The following DYNC2I1 variants were observed in gnomAD, a reference collection of about 807,000 sequenced individuals.
The protein encoded by DYNC2I1 is cytoplasmic dynein 2 intermediate chain 1.
A neutral mutation model predicts 133.4 loss-of-function variants in DYNC2I1; 89 were observed. The ratio of observed to expected loss-of-function variants is 0.67; its 90% confidence interval spans 0.56 to 0.80. The LOEUF (loss-of-function observed/expected upper bound fraction) is 0.80, where lower values mean the gene tolerates loss of function less well. DYNC2I1 is among the 30% of genes least tolerant of loss of function. The pLI, the probability that DYNC2I1 is intolerant of heterozygous loss-of-function variation, is 0.00. For synonymous variants in DYNC2I1, 504 were observed against 484.3 expected, an observed-to-expected ratio of 1.04 and a Z score of -0.54; for missense variants, 1,291 against 1,314.5, an observed-to-expected ratio of 0.98 and a Z score of 0.28.
At chr7:158,923,787 TGAG>T in intron 17 of DYNC2I1, 54 bp downstream of exon 17, 1 of 1,574,260 alleles carries the variant, frequency 6.4e-7, no homozygotes, top group Non-Finnish European at 8.6e-7. Context: ...CACACGGATT[TGAG>T]GAACAAAGCT....
chr7:158,891,408 G>T, intron 8 of DYNC2I1, 75 bp downstream of exon 8: 1 of 1,554,672 alleles, frequency 6.4e-7, no homozygotes, highest in Non-Finnish European at 8.9e-7. Context: ...TTGCTTTCCT[G>T]TCAGCATTTT....
At chr7:158,905,721 G>A (rs1048491017) in intron 10 of DYNC2I1, among the ~76,000 whole-genome samples, 2 of 152,062 alleles carry the variant, frequency 1.3e-5, no homozygotes, top group South Asian at 2.1e-4. Context: ...TGCATCTTTT[G>A]TGCATTCTTA....
chr7:158,867,443 C>T (rs1439730118), intron 1 of DYNC2I1, among the ~76,000 whole-genome samples: 1 of 152,222 alleles, frequency 6.6e-6, no homozygotes, highest in Non-Finnish European at 1.5e-5. Flanking sequence ...TGTGGCTGCA[C>T]TGGCAAAGCT....
intron 20 of DYNC2I1, among the ~76,000 whole-genome samples, 188 bp downstream of exon 20, chr7:158,927,231 G>A (rs573083824): frequency 5.3e-5 from 8 of 151,762 alleles, no homozygotes; most frequent in East Asian, 2.0e-4. Context: ...GCAAGACCCC[G>A]TCTCTACAAA....
At chr7:158,905,141 T>G (rs751560982) in intron 10 of DYNC2I1, 1 of 130,764 alleles carries the variant, frequency 7.6e-6, no homozygotes, top group Non-Finnish European at 1.5e-5. Flanking sequence ...TTTCTTTTTC[T>G]TTTTTTTTTT....
Position 158,856,707 on chromosome 7 carries a change from A to G in DYNC2I1, c.-29A>G. On this transcript the variant is annotated 5_prime_UTR_variant, in exon 1 of 25. Coordinates refer to ENST00000407559, the MANE Select transcript of DYNC2I1 (RefSeq NM_018051.5). ...ACCGCGCCTGGCCGGGGCCGAGGAC[A>G]CCGCGGCCGCCCGGGCCTGCGGGAA... 1 of 1,232,942 alleles carries G rather than the reference A, an allele frequency of 8.1e-7. No homozygotes were observed. Among genetic ancestry groups the G allele is most frequent in the Non-Finnish European group, 1.0e-6 (1 of 986,974 alleles). 76.4% of individuals were successfully genotyped at this position (1,232,942 alleles called of 1,614,324 possible).
intron 5 of DYNC2I1, among the ~76,000 whole-genome samples, 164 bp downstream of exon 5, chr7:158,880,153 A>G (rs1306534473): frequency 6.6e-6 from 1 of 152,254 alleles, no homozygotes; most frequent in Non-Finnish European, 1.5e-5. Context: ...TAGTATAGAC[A>G]GATTACTGAT....
At chr7:158,839,768 C>T in the DYNC2I1 span, among the ~76,000 whole-genome samples, 1 of 151,196 alleles carries the variant, frequency 6.6e-6, no homozygotes, top group African/African-American at 2.4e-5. Context: ...TGCAGTGAGC[C>T]AAGATAGTGA....
At chr7:158,911,380 A>G (rs1233813373) in intron 11 of DYNC2I1, among the ~76,000 whole-genome samples, 170 bp from the exon 12 acceptor site, 1 of 152,174 alleles carries the variant, frequency 6.6e-6, no homozygotes, top group Non-Finnish European at 1.5e-5. Flanking sequence ...ACGACTGTCT[A>G]CTACTCAGTT....
At position 158,926,471 on chromosome 7, in the gene DYNC2I1, GTGGCCCAGGCC is replaced by G. The variant is rs1191606591; in HGVS notation, c.2433+9_2433+19del. On this transcript the variant is annotated intron_variant, in intron 19 of 24. Coordinates refer to ENST00000407559, the MANE Select transcript of DYNC2I1 (RefSeq NM_018051.5). Reference sequence around the variant, plus strand: ...GGGGTTCTCAATGTATGGGTGAGTAGTGGCCCAGGCCGGGCACATGCGGGGCCTGAGTGAGG... The same window carrying G: ...GGGGTTCTCAATGTATGGGTGAGTAGGGGCACATGCGGGGCCTGAGTGAGG... 9 of 1,612,110 alleles carry G rather than the reference GTGGCCCAGGCC, an allele frequency of 5.6e-6. No individual in the cohort carries two copies. Among genetic ancestry groups the G allele is most frequent in the Non-Finnish European group, 7.6e-6 (9 of 1,179,192 alleles).
chr7:158,858,381 G>A (rs1042537174), intron 1 of DYNC2I1, among the ~76,000 whole-genome samples: 1 of 152,136 alleles, frequency 6.6e-6, no homozygotes, highest in Non-Finnish European at 1.5e-5. Flanking sequence ...TGTATTCTAA[G>A]CTCACTCTAC....
rs772352959 is a variant in DYNC2I1, at chr7:158,879,873, A to G, written c.763A>G (p.Arg255Gly). The G allele has an allele frequency of 6.2e-7, 1 of 1,613,880 alleles. No homozygotes were observed. Among genetic ancestry groups the G allele is most frequent in the South Asian group, 1.1e-5 (1 of 91,068 alleles). ...TTCATTCTCTGACAAAGGGGAAGAA[A>G]GACATAAAGAAAAGCGACACAAAGA... ...SNSFSDKGEE[R>G]HKEKRHKEGF... The change falls in exon 5 of 25, where the codon AGA becomes GGA. Residue 255 changes from arginine to glycine, a missense_variant. By Grantham distance (125) the Arg-to-Gly change is moderately radical (BLOSUM62 -2). Transcript: ENST00000407559.
In DYNC2I1 at chr7:158,887,013, C is replaced by T; in HGVS notation, c.936-8C>T. On this transcript the variant is annotated splice_polypyrimidine_tract_variant and splice_region_variant and intron_variant, in intron 6 of 24. Transcript: ENST00000407559. ...TAAGTTTTGATTTTGATTATGTTTG[C>T]TTTCCAGGCATGCTGAGAATTTAGT... 1 of 1,613,482 alleles carries T rather than the reference C, an allele frequency of 6.2e-7. No individual in the cohort carries two copies. Among genetic ancestry groups the T allele is most frequent in the African/African-American group, 1.3e-5 (1 of 75,022 alleles).
Position 158,942,025 on chromosome 7 carries a change from T to C in DYNC2I1, c.2879T>C (p.Leu960Pro), listed in dbSNP as rs768408560. ...SSTDSHAVTGLQWSPTRPAVF... is the reference protein window; with the variant it reads ...SSTDSHAVTGPQWSPTRPAVF... ...ACGGACAGCCATGCGGTCACCGGCC[T>C]GCAGTGGTCCCCAACCAGGCCTGCC... Residue 960 changes from leucine (L) to proline (P), a missense_variant, in exon 24 of 25, where the codon CTG (leucine) becomes CCG (proline). Transcript: ENST00000407559. The C allele has an allele frequency of 5.0e-6, 8 of 1,613,534 alleles. No homozygotes were observed. Among genetic ancestry groups the C allele is most frequent in the Non-Finnish European group, 6.8e-6 (8 of 1,179,810 alleles).
chr7:158,950,839 G>T (rs1226627835), downstream of DYNC2I1, among the ~76,000 whole-genome samples: 5 of 150,396 alleles, frequency 3.3e-5, no homozygotes, highest in African/African-American at 9.8e-5. Flanking sequence ...ATGATTCCAG[G>T]TGTTCTATAT....
intron 11 of DYNC2I1, among the ~76,000 whole-genome samples, chr7:158,909,772 A>G (rs1297760417): frequency 1.3e-5 from 2 of 152,216 alleles, no homozygotes; most frequent in African/African-American, 4.8e-5. Context: ...CAGTAGAGTG[A>G]AACAGAAAGA....
In DYNC2I1 at chr7:158,941,921, A is replaced by T. The variant is rs1454747623; in HGVS notation, c.2779-4A>T. ...TCAGCAGTGTTCTTTCTTCCTGGTCATAGGCCGGCTGTTCGGACGGAAGCA... is the reference window on the plus strand; with the variant it reads ...TCAGCAGTGTTCTTTCTTCCTGGTCTTAGGCCGGCTGTTCGGACGGAAGCA... On this transcript the variant is annotated splice_polypyrimidine_tract_variant and splice_region_variant and intron_variant, in intron 23 of 24. Transcript: ENST00000407559. 12 of 1,594,552 alleles carry T rather than the reference A, an allele frequency of 7.5e-6. No individual in the cohort carries two copies. Among genetic ancestry groups the T allele is most frequent in the Non-Finnish European group, 1.0e-5 (12 of 1,170,606 alleles).
chr7:158,939,359 T>C (rs1009839095), intron 23 of DYNC2I1, among the ~76,000 whole-genome samples: 12 of 152,084 alleles, frequency 7.9e-5, no homozygotes, highest in East Asian at 1.9e-4. Flanking sequence ...TGAGGGAAGG[T>C]TGATTGAGCC....
At chr7:158,911,730 A>T in intron 12 of DYNC2I1, 51 bp downstream of exon 12, 3 of 1,557,068 alleles carry the variant, frequency 1.9e-6, no homozygotes, top group Non-Finnish European at 2.6e-6. Flanking sequence ...AAAGTCTAGT[A>T]GGATAACTTT....
Sources: gnomAD v4.1 joint callset for allele counts (sites outside exome capture counted in the v4.1 genomes callset) on GRCh38, gnomAD v4.1.1 for gene constraint, MANE v1.5 for transcripts, NCBI Gene and HGNC (gene_info 2026-07-23, HGNC 2026-07-21) for gene names.